PBX3: variants seen among roughly 807,000 people sequenced by gnomAD.
The protein encoded by PBX3 is PBX homeobox 3.
Under a neutral mutation model 48.5 loss-of-function variants are expected in PBX3, and 14 were observed. The observed-to-expected ratio is 0.29, with a 90% CI of 0.19 to 0.45. The LOEUF is 0.45. Among genes scored for constraint, PBX3 ranks in the 20% least tolerant of loss-of-function variants. PBX3 has a pLI of 1.00. For synonymous variants in PBX3, 210 were observed against 200.3 expected, an observed-to-expected ratio of 1.05 and a Z score of -0.41; for missense variants, 386 against 546.7, an observed-to-expected ratio of 0.71 and a Z score of 2.93.
rs541377654 is a variant in PBX3, at chr9:125,846,027, T to TA, written c.275-69653dup. ...TAAAAAATATATTCTGTAAAGTTTG[T>TA]AAAAAATAAAGTGAATATTAGTTTC... On this transcript the variant is annotated intron_variant, in intron 2 of 8. Coordinates refer to ENST00000373489, the MANE Select transcript of PBX3 (RefSeq NM_006195.6). Among the ~76,000 whole-genome samples, 26 of 152,206 alleles carry TA rather than the reference T, an allele frequency of 1.7e-4. 2 individuals carry two copies. In the South Asian group the frequency reaches 4.8e-3, roughly 28 times the overall value.
intron 2 of PBX3, among the ~76,000 whole-genome samples, chr9:125,851,399 A>G (rs1839573470): frequency 1.3e-5 from 2 of 152,000 alleles, no homozygotes; most frequent in South Asian, 4.1e-4. Context: ...GGTAAAAAAG[A>G]CAGCCATTGA....
At chr9:125,831,479 C>A (rs151005553) in intron 2 of PBX3, among the ~76,000 whole-genome samples, 1 of 150,562 alleles carries the variant, frequency 6.6e-6, no homozygotes, top group Non-Finnish European at 1.5e-5. Flanking sequence ...CTGAGTGGTG[C>A]GATCTCGATT....
At chr9:125,825,024 C>T (rs1260004849) in intron 2 of PBX3, among the ~76,000 whole-genome samples, 1 of 152,144 alleles carries the variant, frequency 6.6e-6, no homozygotes, top group Non-Finnish European at 1.5e-5. Context: ...GTGGCTCACG[C>T]CTGAAATCTC....
At chr9:125,877,448 T>C (rs2132339308) in intron 2 of PBX3, among the ~76,000 whole-genome samples, 1 of 152,344 alleles carries the variant, frequency 6.6e-6, no homozygotes. Context: ...TCACACCAGA[T>C]GGCATTAGCT....
rs924248392 is a variant in PBX3 at position 125,816,382 on chromosome 9, A to T, written c.274+67759A>T. 6.6e-5 allele frequency among the ~76,000 whole-genome samples: 10 copies of T among 152,194 alleles called. No individual in the cohort carries two copies. The East Asian group carries it at 1.9e-3, about 29-fold the overall frequency. On this transcript the variant is annotated intron_variant, in intron 2 of 8. Transcript: ENST00000373489. ...GAATGGAAATTAAACATACATACTC[A>T]GTCTGCTCTCTTGAGCCAGAAGATC...
chr9:125,803,982 A>G (rs1022160202), intron 2 of PBX3, among the ~76,000 whole-genome samples: 1 of 152,200 alleles, frequency 6.6e-6, no homozygotes, highest in Non-Finnish European at 1.5e-5. Flanking sequence ...AAAGAAGAGC[A>G]GGCTTTCTGA....
At chr9:125,870,135 C>T (rs1331668773) in intron 2 of PBX3, among the ~76,000 whole-genome samples, 5 of 151,220 alleles carry the variant, frequency 3.3e-5, no homozygotes, top group Admixed American at 1.3e-4. Context: ...GTAGCACGAT[C>T]TCAGCTCCCT....
chr9:125,831,427 G>GTTT (rs573089500), intron 2 of PBX3, among the ~76,000 whole-genome samples: 1 of 143,812 alleles, frequency 7.0e-6, no homozygotes. Flanking sequence ...TAGCCAGAAT[G>GTTT]TTTTTTTTTT....
At chr9:125,819,449 C>T (rs542855136) in intron 2 of PBX3, among the ~76,000 whole-genome samples, 7 of 151,878 alleles carry the variant, frequency 4.6e-5, no homozygotes, top group African/African-American at 9.7e-5. Context: ...CACTTGAACC[C>T]GGGAGGCGGA....
chr9:125,857,036 G>C (rs541974106), intron 2 of PBX3, among the ~76,000 whole-genome samples: 1 of 152,262 alleles, frequency 6.6e-6, no homozygotes, highest in South Asian at 2.1e-4. Context: ...AGCTTATTCA[G>C]CTTTATCTTC....
At chr9:125,848,092 CT>C (rs1427675939) in intron 2 of PBX3, among the ~76,000 whole-genome samples, 1 of 151,994 alleles carries the variant, frequency 6.6e-6, no homozygotes, top group Non-Finnish European at 1.5e-5. Flanking sequence ...GCGTGACTTA[CT>C]TTGTGTGAAA....
intron 3 of PBX3, among the ~76,000 whole-genome samples, chr9:125,929,454 C>T (rs970779544): frequency 3.9e-5 from 6 of 152,190 alleles, no homozygotes; most frequent in African/African-American, 9.7e-5. Context: ...TCTCCTTGCA[C>T]GTCTGACCAT....
chr9:125,913,361 A>G (rs946992986), intron 2 of PBX3, among the ~76,000 whole-genome samples: 6 of 152,166 alleles, frequency 3.9e-5, no homozygotes, highest in African/African-American at 1.4e-4. Flanking sequence ...TTTCATTATA[A>G]GAGTAAAACG....
intron 2 of PBX3, among the ~76,000 whole-genome samples, chr9:125,765,764 A>G (rs567974030): frequency 4.6e-5 from 7 of 152,186 alleles, no homozygotes; most frequent in Non-Finnish European, 1.0e-4. Context: ...GCTCCAAAGT[A>G]ACTCATGCGG....
intron 2 of PBX3, among the ~76,000 whole-genome samples, chr9:125,817,785 T>C (rs1205071496): frequency 2.0e-5 from 3 of 151,798 alleles, no homozygotes; most frequent in Non-Finnish European, 4.4e-5. Context: ...AGTACCCACT[T>C]ACCTCACAGA....
intron 5 of PBX3, among the ~76,000 whole-genome samples, chr9:125,940,474 A>G (rs1160062183): frequency 6.6e-6 from 1 of 152,238 alleles, no homozygotes; most frequent in Non-Finnish European, 1.5e-5. Flanking sequence ...GACATCAGTG[A>G]ACTTAACCAG....
intron 3 of PBX3, among the ~76,000 whole-genome samples, chr9:125,918,549 G>C (rs565966800): frequency 6.6e-6 from 1 of 151,962 alleles, no homozygotes; most frequent in Non-Finnish European, 1.5e-5. Flanking sequence ...GCCTAATAAC[G>C]ATCTAAATAT....
intron 2 of PBX3, among the ~76,000 whole-genome samples, chr9:125,796,583 A>T (rs1403024217): frequency 6.6e-6 from 1 of 152,088 alleles, no homozygotes; most frequent in East Asian, 1.9e-4. Context: ...TGCAGTAGGG[A>T]GGCTGTAAGG....
chr9:125,922,039 C>CA (rs1841468321), intron 3 of PBX3, among the ~76,000 whole-genome samples: 1 of 151,974 alleles, frequency 6.6e-6, no homozygotes, highest in Non-Finnish European at 1.5e-5. Flanking sequence ...AACTTAAAGG[C>CA]AAAAACGAGG....
Sources: allele counts gnomAD v4.1 joint callset (sites outside exome capture counted in the v4.1 genomes callset), GRCh38; gene constraint gnomAD v4.1.1; transcripts MANE v1.5; gene names NCBI Gene and HGNC (gene_info 2026-07-23, HGNC 2026-07-21).